Variants in PRKCH observed in about 807,000 individuals in gnomAD.
The protein encoded by PRKCH is protein kinase C eta type.
PRKCH carries 28 observed loss-of-function variants against 82.5 expected under a neutral mutation model. The observed-to-expected ratio is 0.34, with a 90% CI of 0.25 to 0.47. The LOEUF is 0.47. Among genes scored for constraint, PRKCH ranks in the 20% least tolerant of loss-of-function variants. The probability of loss-of-function intolerance (pLI) is 1.00; values close to 1 mark genes in which losing one functional copy is unlikely to be tolerated. For synonymous variants in PRKCH, 322 were observed against 327.4 expected, an observed-to-expected ratio of 0.98 and a Z score of 0.18; for missense variants, 705 against 881.8, an observed-to-expected ratio of 0.80 and a Z score of 2.54.
In PRKCH at chr14:61,191,838, A is replaced by G. The variant is rs2044408584; in HGVS notation, c.-19+4170A>G. ...TTTTTCCTTGAGTAATTTGGTTTTG[A>G]TCAAATCCCCAAATAAACTTTTTCC... On this transcript the variant is annotated intron_variant, in intron 1 of 3. Coordinates refer to the PRKCH transcript ENST00000555185. Among the ~76,000 whole-genome samples, 5 of 152,092 alleles carry G rather than the reference A, an allele frequency of 3.3e-5. No homozygotes were observed. The South Asian group carries it at 1.0e-3, about 32-fold the overall frequency.
intron 9 of PRKCH, among the ~76,000 whole-genome samples, chr14:61,459,385 G>A (rs1175240158): frequency 1.3e-5 from 2 of 152,182 alleles, no homozygotes; most frequent in Non-Finnish European, 2.9e-5. Flanking sequence ...TGTCATACAG[G>A]GTCAACAGCA....
intron 9 of PRKCH, among the ~76,000 whole-genome samples, chr14:61,481,108 C>T (rs1441028996): frequency 3.3e-5 from 5 of 152,178 alleles, no homozygotes; most frequent in East Asian, 1.9e-4. Flanking sequence ...CACACTGTGG[C>T]GATGTGCTGT....
intron 1 of PRKCH, among the ~76,000 whole-genome samples, chr14:61,247,954 T>C (rs76132841): frequency 0.023 from 3,553 of 152,162 alleles, 76 homozygotes; most frequent in Non-Finnish European, 0.036. Flanking sequence ...AATTCTAAAA[T>C]GGCTTTCAAA....
intron 1 of PRKCH, among the ~76,000 whole-genome samples, chr14:61,255,912 C>T (rs954616961): frequency 6.6e-6 from 1 of 152,100 alleles, no homozygotes; most frequent in African/African-American, 2.4e-5. Flanking sequence ...GCAGTCTTAT[C>T]TATTTGAAGG....
At chr14:61,218,984 C>T (rs2044635677) in intron 1 of PRKCH, among the ~76,000 whole-genome samples, 1 of 152,234 alleles carries the variant, frequency 6.6e-6, no homozygotes, top group African/African-American at 2.4e-5. Context: ...GCAGGAGAAG[C>T]TGACCCAGCT....
intron 1 of PRKCH, among the ~76,000 whole-genome samples, chr14:61,251,156 C>T (rs1352071524): frequency 1.3e-5 from 2 of 152,156 alleles, no homozygotes; most frequent in Non-Finnish European, 2.9e-5. Context: ...GTAATAATCA[C>T]ATCAAGGAAA....
intron 1 of PRKCH, chr14:61,281,117 G>T (rs2045261263): frequency 1.4e-6 from 2 of 1,423,966 alleles, no homozygotes; most frequent in Non-Finnish European, 1.8e-6. Context: ...TCGGGCTGGT[G>T]GGCGCCCCGG....
intron 9 of PRKCH, among the ~76,000 whole-genome samples, chr14:61,466,038 G>A (rs1018402064): frequency 2.0e-5 from 3 of 152,186 alleles, no homozygotes; most frequent in African/African-American, 7.2e-5. Flanking sequence ...CAGAGGTTAT[G>A]ATGATGAACA....
At chr14:61,517,175 A>G (rs866744455) in intron 10 of PRKCH, among the ~76,000 whole-genome samples, 1 of 152,164 alleles carries the variant, frequency 6.6e-6, no homozygotes, top group Non-Finnish European at 1.5e-5. Context: ...CAGCCTGCAC[A>G]TCCCTCCTGA....
chr14:61,267,986 A>T (rs1165609053), intron 1 of PRKCH, among the ~76,000 whole-genome samples: 1 of 152,196 alleles, frequency 6.6e-6, no homozygotes, highest in Non-Finnish European at 1.5e-5. Context: ...AAAGAAAAAT[A>T]TATTTAAAAT....
chr14:61,548,791 A>C (rs1388487744), intron 13 of PRKCH, among the ~76,000 whole-genome samples: 1 of 145,166 alleles, frequency 6.9e-6, no homozygotes, highest in African/African-American at 2.6e-5. Flanking sequence ...TGAACCTAGG[A>C]GGTGGAGATT....
chr14:61,384,496 C>T (rs2046557997), intron 1 of PRKCH, among the ~76,000 whole-genome samples: 1 of 152,076 alleles, frequency 6.6e-6, no homozygotes, highest in Non-Finnish European at 1.5e-5. Context: ...ATTGAATGGC[C>T]TTCCTGATGT....
rs71992585 is a variant in PRKCH at position 61,520,074 on chromosome 14, C to CAAA, written c.1434-8987_1434-8985dup. Among the ~76,000 whole-genome samples the CAAA allele has an allele frequency of 6.5e-3, 630 of 97,434 alleles. 5 individuals carry two copies. The highest frequency in any genetic ancestry group is 0.018 in the African/African-American group (557 of 30,748). The allele number at this position is 97,434 out of a possible 152,430, so 63.9% of individuals were successfully genotyped here. On this transcript the variant is annotated intron_variant, in intron 10 of 13. Transcript: ENST00000332981. Reference sequence around the variant, plus strand: ...TTATGGCCTTAAATACTACAGAAACCAAAAAAAAAAAAAAAAGAAAGAAAG... The same window carrying CAAA: ...TTATGGCCTTAAATACTACAGAAACCAAAAAAAAAAAAAAAAAAAGAAAGAAAG...
At chr14:61,489,728 G>A (rs1394812267) in intron 10 of PRKCH, among the ~76,000 whole-genome samples, 2 of 152,232 alleles carry the variant, frequency 1.3e-5, no homozygotes, top group Non-Finnish European at 2.9e-5. Context: ...TGGAAGGCCA[G>A]ACAGTGCTCA....
intron 12 of PRKCH, among the ~76,000 whole-genome samples, chr14:61,541,294 C>G (rs975360525): frequency 5.9e-5 from 9 of 152,278 alleles, no homozygotes; most frequent in African/African-American, 1.7e-4. Flanking sequence ...GCGTGGTGTG[C>G]TTCTCGTCAG....
At chr14:61,306,100 T>C (rs1219375467) in intron 1 of PRKCH, 1 of 152,236 alleles carries the variant, frequency 6.6e-6, no homozygotes, top group Non-Finnish European at 1.5e-5. Flanking sequence ...CATGGCCCTT[T>C]GTCTGGGACA....
chr14:61,274,570 A>G (rs1430522979), intron 1 of PRKCH, among the ~76,000 whole-genome samples: 1 of 152,224 alleles, frequency 6.6e-6, no homozygotes, highest in Non-Finnish European at 1.5e-5. Flanking sequence ...CATTTGGGAT[A>G]TAGAAGCAAC....
At chr14:61,364,204 A>T (rs2046269427) in intron 1 of PRKCH, among the ~76,000 whole-genome samples, 1 of 151,746 alleles carries the variant, frequency 6.6e-6, no homozygotes, top group Non-Finnish European at 1.5e-5. Context: ...TATAGCTGAG[A>T]TAGCTAACCC....
intron 1 of PRKCH, chr14:61,281,275 T>G (rs1444311378): frequency 4.2e-6 from 2 of 475,168 alleles, no homozygotes; most frequent in Non-Finnish European, 6.8e-6. Context: ...TCAGGTGGGT[T>G]TTTGCCCGGG....
Sources: gnomAD v4.1 joint callset for allele counts (sites outside exome capture counted in the v4.1 genomes callset) on GRCh38, gnomAD v4.1.1 for gene constraint, MANE v1.5 for transcripts, NCBI Gene and HGNC (gene_info 2026-07-23, HGNC 2026-07-21) for gene names.